ANKRD11: variants seen among roughly 807,000 people sequenced by gnomAD.
The protein encoded by ANKRD11 is ankyrin repeat domain-containing protein 11.
ANKRD11 carries 17 observed loss-of-function variants against 195.7 expected under a neutral mutation model. The observed-to-expected ratio is 0.09, with a 90% CI of 0.06 to 0.13. The LOEUF (loss-of-function observed/expected upper bound fraction) is 0.13, where lower values mean the gene tolerates loss of function less well. ANKRD11 is among the 10% of genes least tolerant of loss of function. The probability of loss-of-function intolerance (pLI) is 1.00; values close to 1 mark genes in which losing one functional copy is unlikely to be tolerated. For synonymous variants in ANKRD11, 1,953 were observed against 1,528.1 expected, an observed-to-expected ratio of 1.28 and a Z score of -6.49; for missense variants, 3,735 against 3,566.1, an observed-to-expected ratio of 1.05 and a Z score of -1.21.
At chr16:89,341,307 C>T (rs75093103) in intron 2 of ANKRD11, among the ~76,000 whole-genome samples, 3 of 152,036 alleles carry the variant, frequency 2.0e-5, no homozygotes, top group Non-Finnish European at 2.9e-5. Context: ...CAGGATTTTT[C>T]GTTTTAAATT....
At chr16:89,368,917 G>A (rs1326438976) in intron 2 of ANKRD11, among the ~76,000 whole-genome samples, 1 of 152,080 alleles carries the variant, frequency 6.6e-6, no homozygotes, top group African/African-American at 2.4e-5. Flanking sequence ...TAAAAAATGG[G>A]CACACAGAAC....
intron 2 of ANKRD11, among the ~76,000 whole-genome samples, chr16:89,353,159 T>C (rs538841951): frequency 2.0e-5 from 3 of 152,188 alleles, no homozygotes; most frequent in South Asian, 2.1e-4. Context: ...CTGGCCAATA[T>C]GGTGAAACCC....
At chr16:89,486,374 G>A (rs540492951) in intron 1 of ANKRD11, among the ~76,000 whole-genome samples, 17 of 151,038 alleles carry the variant, frequency 1.1e-4, no homozygotes, top group East Asian at 5.8e-4. Context: ...TCAGGGAGTC[G>A]AGACTGAAGA....
intron 2 of ANKRD11, among the ~76,000 whole-genome samples, chr16:89,355,542 C>T (rs1023315466): frequency 1.3e-5 from 2 of 152,180 alleles, no homozygotes; most frequent in African/African-American, 2.4e-5. Context: ...CTGCTCTGAA[C>T]GCTCTCTCTT....
At chr16:89,477,183 A>C (rs2057288638) in intron 1 of ANKRD11, among the ~76,000 whole-genome samples, 1 of 150,782 alleles carries the variant, frequency 6.6e-6, no homozygotes, top group South Asian at 2.1e-4. Context: ...ATCACCTTTA[A>C]GTCATTTCCC....
At chr16:89,484,595 T>C (rs920668749) in intron 1 of ANKRD11, among the ~76,000 whole-genome samples, 1 of 152,236 alleles carries the variant, frequency 6.6e-6, no homozygotes, top group African/African-American at 2.4e-5. Context: ...GAAGGGCAAC[T>C]TACTATCAAT....
Position 89,291,296 on chromosome 16 carries a change from G to A in ANKRD11, c.227-113C>T, listed in dbSNP as rs1439391796. ...CCCTGCGTCCACCTGACAGCTGACA[G>A]AGCAGAAAGGAAGGTCTGTGTATGG... On this transcript the variant is annotated intron_variant, in intron 4 of 12. Transcript: ENST00000301030. This position sits in a 1 kb window ranked among gnomAD's most constrained non-coding sequence, Gnocchi z 5.3. 5 of 1,334,158 alleles carry A rather than the reference G, an allele frequency of 3.7e-6. No individual in the cohort carries two copies. The highest frequency in any genetic ancestry group is 5.2e-6 in the Non-Finnish European group (5 of 959,068). The allele number at this position is 1,334,158 out of a possible 1,614,324, so 82.6% of individuals were successfully genotyped here.
intron 1 of ANKRD11, among the ~76,000 whole-genome samples, chr16:89,440,875 A>C (rs1033978106): frequency 1.3e-5 from 2 of 152,212 alleles, no homozygotes; most frequent in African/African-American, 2.4e-5. Flanking sequence ...GTGCGCATGA[A>C]TCCTGGTGTG....
At chr16:89,318,688 C>T (rs1477407078) in intron 2 of ANKRD11, among the ~76,000 whole-genome samples, 4 of 152,236 alleles carry the variant, frequency 2.6e-5, no homozygotes, top group Middle Eastern at 3.2e-3. Context: ...TCTCCTCCAA[C>T]ACCATCTCAT....
chr16:89,379,176 T>C (rs1376602096), intron 2 of ANKRD11, among the ~76,000 whole-genome samples: 1 of 152,236 alleles, frequency 6.6e-6, no homozygotes, highest in African/African-American at 2.4e-5. Flanking sequence ...ACACGGCCAT[T>C]CTGGGAGCTG....
intron 2 of ANKRD11, among the ~76,000 whole-genome samples, chr16:89,364,522 C>T (rs2039865820): frequency 6.6e-6 from 1 of 152,142 alleles, no homozygotes; most frequent in Non-Finnish European, 1.5e-5. Context: ...ACCTATTCGC[C>T]CTCAAAACAG....
chr16:89,428,787 AG>A (rs969383932), intron 1 of ANKRD11, among the ~76,000 whole-genome samples: 9 of 150,694 alleles, frequency 6.0e-5, no homozygotes, highest in Admixed American at 4.6e-4. Context: ...CCAGCTACTC[AG>A]GAGGCTAAGG....
At chr16:89,275,367 G>A (rs921767895) in intron 9 of ANKRD11, among the ~76,000 whole-genome samples, 176 bp from the exon 10 acceptor site, 1 of 152,254 alleles carries the variant, frequency 6.6e-6, no homozygotes, top group Non-Finnish European at 1.5e-5. Context: ...ACCACTATGT[G>A]CTGGACGCGG....
intron 1 of ANKRD11, among the ~76,000 whole-genome samples, chr16:89,444,257 A>G (rs2043676182): frequency 6.6e-6 from 1 of 152,148 alleles, no homozygotes; most frequent in African/African-American, 2.4e-5. Context: ...TGCAGTCAGC[A>G]GAAAACTGTC....
In ANKRD11 at chr16:89,284,784, C is replaced by T; in HGVS notation, c.1758G>A (p.Val586=). 1.2e-6 allele frequency: 2 copies of T among 1,613,678 alleles called. No individual in the cohort carries two copies. The highest frequency in any genetic ancestry group is 2.2e-5 in the South Asian group (2 of 91,060). The part of the protein sequence containing the change: ...ESDYSSEGSS[V]ESLKPVRKRQ... ...TCTTCCTCACTGGCTTCAGCGATTC[C>T]ACACTGGAGCCCTCAGAGGAGTAGT... The change falls in exon 9 of 13, where the codon GTG becomes GTA. Residue 586 remains valine, a synonymous_variant. Transcript: ENST00000301030.
intron 1 of ANKRD11, among the ~76,000 whole-genome samples, chr16:89,446,001 TAAAAAAAAA>T (rs756294025): frequency 1.6e-5 from 2 of 121,438 alleles, no homozygotes; most frequent in African/African-American, 6.1e-5. Flanking sequence ...AATTTTTTGT[TAAAAAAAAA>T]AAAAAAAAAA....
chr16:89,290,222 A>G (rs964444336), intron 6 of ANKRD11, among the ~76,000 whole-genome samples: 6 of 141,804 alleles, frequency 4.2e-5, no homozygotes, highest in African/African-American at 1.6e-4. Context: ...CACGGCTCCA[A>G]TGGGGGAGGC....
chr16:89,356,600 T>C (rs1380949029), intron 2 of ANKRD11, among the ~76,000 whole-genome samples: 2 of 140,560 alleles, frequency 1.4e-5, no homozygotes, highest in Admixed American at 7.1e-5. Context: ...TAAAACCCCA[T>C]CTCTACTAAA....
intron 2 of ANKRD11, among the ~76,000 whole-genome samples, chr16:89,406,449 GA>G (rs1237948922): frequency 6.6e-6 from 1 of 152,226 alleles, no homozygotes; most frequent in Admixed American, 6.5e-5. Context: ...CAGCTGCTGA[GA>G]AGGCCGCACG....
Sources: gnomAD v4.1 joint callset for allele counts (sites outside exome capture counted in the v4.1 genomes callset) on GRCh38, gnomAD v4.1.1 for gene constraint, Gnocchi (gnomAD v3.1) non-coding constraint, MANE v1.5 for transcripts, NCBI Gene and HGNC (gene_info 2026-07-23, HGNC 2026-07-21) for gene names.